The following MAPK9 variants were observed in gnomAD, a reference collection of about 807,000 sequenced individuals.
MAPK9 encodes the protein mitogen-activated protein kinase 9, also known as Jun kinase.
MAPK9 carries 30 observed loss-of-function variants against 57.1 expected under a neutral mutation model. The ratio of observed to expected loss-of-function variants is 0.53; its 90% CI spans 0.39 to 0.71. The LOEUF (loss-of-function observed/expected upper bound fraction) is 0.71, where lower values mean the gene tolerates loss of function less well. Among genes scored for constraint, MAPK9 ranks in the 30% least tolerant of loss-of-function variants. MAPK9 has a pLI of 0.00. For missense variants in MAPK9, 362 were observed against 521.0 expected, an observed-to-expected ratio of 0.69 and a Z score of 2.97; for synonymous variants, 155 against 177.0, an observed-to-expected ratio of 0.88 and a Z score of 0.99.
In MAPK9 at chr5:180,279,378, G is replaced by T. The variant is rs555797063; in HGVS notation, c.122+1062C>A. Among the ~76,000 whole-genome samples the T allele has an allele frequency of 9.9e-5, 15 of 152,230 alleles. No individual in the cohort carries two copies. In the South Asian group the frequency reaches 3.1e-3, roughly 32 times the overall value. On this transcript the variant is annotated intron_variant, in intron 2 of 11. Transcript: ENST00000452135. ...ATTCCTTCCAAACAGTCCCTTTCCCGCCTTAGCTTCTCAAAGAAGCTCTGG... is the reference window on the plus strand; with the variant it reads ...ATTCCTTCCAAACAGTCCCTTTCCCTCCTTAGCTTCTCAAAGAAGCTCTGG...
At chr5:180,240,115 G>A in intron 9 of MAPK9, 128 bp from the exon 10 acceptor site, 6 of 660,852 alleles carry the variant, frequency 9.1e-6, no homozygotes, top group South Asian at 1.8e-5. Flanking sequence ...TTCAACACGT[G>A]GTTTAATAAA....
intron 3 of MAPK9, among the ~76,000 whole-genome samples, chr5:180,267,548 C>G (rs563567445): frequency 1.7e-5 from 2 of 120,328 alleles, no homozygotes; most frequent in East Asian, 2.4e-4. Flanking sequence ...GGCGACAGAG[C>G]GAGACTCCGT....
At chr5:180,248,875 T>C in intron 6 of MAPK9, 98 bp downstream of exon 6, 1 of 1,311,616 alleles carries the variant, frequency 7.6e-7, no homozygotes, top group South Asian at 1.6e-5. Flanking sequence ...GTCCCCACAG[T>C]ATATATCATA....
chr5:180,289,308 A>G (rs2127636165), intron 1 of MAPK9, among the ~76,000 whole-genome samples: 1 of 152,360 alleles, frequency 6.6e-6, no homozygotes, highest in African/African-American at 2.4e-5. Flanking sequence ...TGAACAAATT[A>G]AAGTCCTGGC....
In MAPK9 at chr5:180,233,412, T is replaced by C. The variant is rs1756975446; in HGVS notation, c.*2972A>G. Reference sequence around the variant, plus strand: ...ACAGATTTAGGAATTTGCAGAATATTTTCAATAAGAGAACAAACAGCAATG... The same window carrying C: ...ACAGATTTAGGAATTTGCAGAATATCTTCAATAAGAGAACAAACAGCAATG... On this transcript the variant is annotated 3_prime_UTR_variant, in exon 12 of 12. Transcript: ENST00000452135. 1 of 152,194 alleles carries C rather than the reference T, an allele frequency of 6.6e-6. No homozygotes were observed. Among genetic ancestry groups the C allele is most frequent in the Admixed American group, 6.5e-5 (1 of 15,282 alleles). 9.4% of individuals were successfully genotyped at this position (152,194 alleles called of 1,614,324 possible).
At chr5:180,245,116 T>C (rs573917602) in intron 7 of MAPK9, among the ~76,000 whole-genome samples, 2 of 152,330 alleles carry the variant, frequency 1.3e-5, no homozygotes, top group East Asian at 3.9e-4. Context: ...AAGTGCTCGC[T>C]ACCAGTCCTA....
intron 5 of MAPK9, among the ~76,000 whole-genome samples, chr5:180,260,953 A>T (rs985678406): frequency 6.6e-6 from 1 of 152,180 alleles, no homozygotes; most frequent in Non-Finnish European, 1.5e-5. Context: ...GAAAAAAAAA[A>T]ATCTATCATG....
chr5:180,235,346 G>C lies in MAPK9; in HGVS notation c.*1038C>G, dbSNP rs1366934616. ...CCAGTGAAGAAAGAAAATCAAGAAC[G>C]TGGTATTGGCCGAGGGAAAGTGAAT... On this transcript the variant is annotated 3_prime_UTR_variant, in exon 12 of 12. Transcript: ENST00000452135. 3.3e-5 allele frequency: 5 copies of C among 152,140 alleles called. No individual in the cohort carries two copies. The highest frequency in any genetic ancestry group is 2.0e-4 in the Admixed American group (3 of 15,268). 9.4% of individuals were successfully genotyped at this position (152,140 alleles called of 1,614,324 possible).
intron 1 of MAPK9, chr5:180,286,851 C>T (rs1158383112): frequency 2.6e-5 from 4 of 152,278 alleles, no homozygotes; most frequent in Admixed American, 6.5e-5. Context: ...ATGTTCACAG[C>T]AGCTTTATTT....
chr5:180,279,024 C>T (rs1762078489), intron 2 of MAPK9, among the ~76,000 whole-genome samples: 1 of 148,960 alleles, frequency 6.7e-6, no homozygotes, highest in Non-Finnish European at 1.5e-5. Flanking sequence ...GTGGCGCGAT[C>T]TTGGCTCACT....
At chr5:180,279,034 T>C (rs927434858) in intron 2 of MAPK9, among the ~76,000 whole-genome samples, 5 of 151,148 alleles carry the variant, frequency 3.3e-5, no homozygotes, top group African/African-American at 9.7e-5. Flanking sequence ...CTTGGCTCAC[T>C]GCAACCTCCA....
At chr5:180,242,237 G>A (rs777302003) in intron 8 of MAPK9, among the ~76,000 whole-genome samples, 2 of 152,118 alleles carry the variant, frequency 1.3e-5, no homozygotes, top group Non-Finnish European at 2.9e-5. Flanking sequence ...CTTTTTCATC[G>A]AACAACTGTC....
At chr5:180,288,334 A>G (rs1232664165) in intron 1 of MAPK9, among the ~76,000 whole-genome samples, 3 of 152,244 alleles carry the variant, frequency 2.0e-5, no homozygotes, top group African/African-American at 4.8e-5. Flanking sequence ...ATGGATTAAG[A>G]GAAACTTAAA....
intron 4 of MAPK9, 92 bp downstream of exon 4, chr5:180,264,689 C>T: frequency 8.3e-7 from 1 of 1,204,796 alleles, no homozygotes; most frequent in South Asian, 1.6e-5. Flanking sequence ...GTATTGCCAC[C>T]TACATTTCCT....
intron 5 of MAPK9, chr5:180,257,633 T>C (rs1759433178): frequency 6.6e-6 from 1 of 152,260 alleles, no homozygotes; most frequent in African/African-American, 2.4e-5. Context: ...CCTGTGACCT[T>C]GGAGATCCCT....
chr5:180,239,171 C>T (rs1322382162), intron 10 of MAPK9, among the ~76,000 whole-genome samples: 2 of 152,216 alleles, frequency 1.3e-5, no homozygotes, highest in Admixed American at 1.3e-4. Flanking sequence ...ATTTCAACTT[C>T]GGTTTTCCTC....
chr5:180,259,117 C>G (rs1248497719), intron 5 of MAPK9, among the ~76,000 whole-genome samples: 1 of 152,158 alleles, frequency 6.6e-6, no homozygotes, highest in Non-Finnish European at 1.5e-5. Flanking sequence ...AGAGAGAAAC[C>G]CTTTGACTGT....
At chr5:180,249,443 C>G (rs1758446662) in intron 5 of MAPK9, among the ~76,000 whole-genome samples, 1 of 152,156 alleles carries the variant, frequency 6.6e-6, no homozygotes, top group African/African-American at 2.4e-5. Flanking sequence ...GTCCAGCACA[C>G]ATGCCCCCCT....
chr5:180,261,796 G>A lies in MAPK9; in HGVS notation c.338C>T (p.Ala113Val). The part of the protein sequence containing the change: ...DVYLVMELMD[A>V]NLCQVIHMEL... Reference sequence around the variant, plus strand: ...CATGTGAATAACCTGACATAAGTTAGCATCCATTAATTCCATAACCAAATA... The same window carrying A: ...CATGTGAATAACCTGACATAAGTTAACATCCATTAATTCCATAACCAAATA... The change falls in exon 5 of 12, where the codon GCT (alanine) becomes GTT (valine). Residue 113 changes from alanine to valine, a missense_variant. Transcript: ENST00000452135. 1 of 1,611,886 alleles carries A rather than the reference G, an allele frequency of 6.2e-7. No homozygotes were observed. The highest frequency in any genetic ancestry group is 8.5e-7 in the Non-Finnish European group (1 of 1,179,130).
Sources: gnomAD v4.1 joint callset for allele counts (sites outside exome capture counted in the v4.1 genomes callset) on GRCh38, gnomAD v4.1.1 for gene constraint, MANE v1.5 for transcripts, NCBI Gene and HGNC (gene_info 2026-07-23, HGNC 2026-07-21) for gene names.